FER: variants seen among roughly 807,000 people sequenced by gnomAD.
FER encodes the protein FER tyrosine kinase, also known as tyrosine-protein kinase Fer.
In FER, 63 loss-of-function variants were observed where a neutral mutation model predicts 111.0. That is an observed-to-expected ratio of 0.57 (90% confidence interval 0.46 to 0.70). The LOEUF is 0.70. FER is among the 30% of genes least tolerant of loss of function. FER has a pLI of 0.00. For synonymous variants in FER, 327 were observed against 313.9 expected (o/e 1.04, Z -0.44); for missense variants, 914 against 954.0 (o/e 0.96, Z 0.55).
chr5:109,110,501 T>G (rs1324039603), intron 17 of FER, among the ~76,000 whole-genome samples: 2 of 151,900 alleles, frequency 1.3e-5, no homozygotes, highest in Non-Finnish European at 2.9e-5. Flanking sequence ...GAAAATTAGG[T>G]GAGTTGTTAC....
At chr5:108,774,131 T>G (rs931031296) in intron 2 of FER, among the ~76,000 whole-genome samples, 4 of 151,916 alleles carry the variant, frequency 2.6e-5, no homozygotes, top group Admixed American at 1.3e-4. Context: ...CACCTCCCAC[T>G]TATGAGTGAG....
chr5:108,936,069 A>G (rs1755428317), intron 10 of FER, among the ~76,000 whole-genome samples: 1 of 152,048 alleles, frequency 6.6e-6, no homozygotes, highest in Non-Finnish European at 1.5e-5. Context: ...TTAAAGCTGA[A>G]TTTAAATTTC....
intron 17 of FER, among the ~76,000 whole-genome samples, chr5:109,136,427 TTA>T (rs1582197518): frequency 1.3e-5 from 2 of 152,218 alleles, no homozygotes; most frequent in East Asian, 3.8e-4. Flanking sequence ...CTTTCTGGTT[TTA>T]TGTTTTAGAA....
intron 8 of FER, among the ~76,000 whole-genome samples, chr5:108,873,661 G>C (rs1225878743): frequency 6.6e-6 from 1 of 152,082 alleles, no homozygotes; most frequent in Non-Finnish European, 1.5e-5. Context: ...GCCCTATACA[G>C]GGGTCTCACT....
At chr5:108,904,385 A>C (rs1750454940) in intron 10 of FER, among the ~76,000 whole-genome samples, 2 of 152,204 alleles carry the variant, frequency 1.3e-5, no homozygotes, top group South Asian at 4.1e-4. Context: ...ATCTGGAAGA[A>C]CTGAGAGAGC....
chr5:108,774,821 AT>A (rs1205519425), intron 2 of FER, among the ~76,000 whole-genome samples: 1 of 151,584 alleles, frequency 6.6e-6, no homozygotes, highest in Non-Finnish European at 1.5e-5. Context: ...GATTGCAAAA[AT>A]TTTCTCCCAT....
At position 108,844,552 on chromosome 5, in the gene FER, A is replaced by G. The variant is rs183227258; in HGVS notation, c.481+8745A>G. 3.4e-3 allele frequency among the ~76,000 whole-genome samples: 522 copies of G among 152,274 alleles called. 3 individuals are homozygous for G. The highest frequency in any genetic ancestry group is 0.012 in the African/African-American group (500 of 41,558). Reference sequence around the variant, plus strand: ...TATTTATTTTGATAAATTTTGACATATGTACACACCTGTGAAATTATTACT... The same window carrying G: ...TATTTATTTTGATAAATTTTGACATGTGTACACACCTGTGAAATTATTACT... On this transcript the variant is annotated intron_variant, in intron 5 of 19. Coordinates refer to ENST00000281092, the MANE Select transcript of FER (RefSeq NM_005246.4).
At chr5:109,054,680 TA>T (rs1250759158) in intron 16 of FER, among the ~76,000 whole-genome samples, 16 of 149,020 alleles carry the variant, frequency 1.1e-4, no homozygotes, top group African/African-American at 3.7e-4. Flanking sequence ...CCCAAGGTCC[TA>T]AAAGTTGTTT....
intron 13 of FER, among the ~76,000 whole-genome samples, chr5:109,031,072 T>C (rs892585329): frequency 6.6e-6 from 1 of 152,210 alleles, no homozygotes; most frequent in East Asian, 1.9e-4. Context: ...TAGCTGCTTA[T>C]TGTTAGTTGG....
intron 3 of FER, among the ~76,000 whole-genome samples, chr5:108,801,178 G>A (rs1413724206): frequency 1.3e-5 from 2 of 152,218 alleles, no homozygotes; most frequent in East Asian, 1.9e-4. Context: ...CATGTGGCAA[G>A]CTATGGATTG....
intron 17 of FER, among the ~76,000 whole-genome samples, chr5:109,108,127 C>G (rs1391594708): frequency 3.3e-5 from 5 of 152,076 alleles, no homozygotes; most frequent in Admixed American, 6.6e-5. Flanking sequence ...TCATGGAGAG[C>G]TCACTGTTTG....
intron 15 of FER, 91 bp downstream of exon 15, chr5:109,044,886 T>G: frequency 5.7e-6 from 4 of 706,334 alleles, no homozygotes; most frequent in Non-Finnish European, 8.7e-6. Context: ...TGTGATTTAC[T>G]GAAATAGTAG....
At position 108,803,859 on chromosome 5, in the gene FER, C is replaced by G. The variant is rs114868976; in HGVS notation, c.207+5470C>G. On this transcript the variant is annotated intron_variant, in intron 3 of 19. Coordinates refer to ENST00000281092, the MANE Select transcript of FER (RefSeq NM_005246.4). ...TATGAATTTTATTATAGTTTTTTCC[C>G]AGTTCTGTGAGAAATGACAGTAGTT... 6.2e-3 allele frequency among the ~76,000 whole-genome samples: 942 copies of G among 152,068 alleles called. 15 individuals carry two copies. Among genetic ancestry groups the G allele is most frequent in the African/African-American group, 0.022 (908 of 41,510 alleles).
intron 10 of FER, among the ~76,000 whole-genome samples, chr5:108,913,042 T>A (rs1382112910): frequency 6.6e-6 from 1 of 152,170 alleles, no homozygotes; most frequent in Admixed American, 6.5e-5. Flanking sequence ...GAAAATAATC[T>A]TAAGCTACTT....
intron 16 of FER, 93 bp from the exon 17 acceptor site, chr5:109,100,303 T>C: frequency 2.0e-6 from 3 of 1,478,538 alleles, no homozygotes; most frequent in Non-Finnish European, 2.8e-6. Context: ...TAATGCATTT[T>C]GCTCTGTCAA....
chr5:109,056,284 G>A (rs1468203991), intron 16 of FER, among the ~76,000 whole-genome samples: 2 of 152,176 alleles, frequency 1.3e-5, no homozygotes, highest in Admixed American at 1.3e-4. Flanking sequence ...ATGTATTGCA[G>A]TGTTACTCAC....
At chr5:109,179,485 G>A (rs1319782894) in intron 17 of FER, among the ~76,000 whole-genome samples, 3 of 152,164 alleles carry the variant, frequency 2.0e-5, no homozygotes, top group East Asian at 3.8e-4. Flanking sequence ...TTACTCTAGT[G>A]AATAACATCG....
Position 108,959,354 on chromosome 5 carries a change from G to T in FER, c.1656+7G>T. 6.3e-7 allele frequency: 1 copy of T among 1,592,972 alleles called. No homozygotes were observed. The highest frequency in any genetic ancestry group is 8.5e-7 in the Non-Finnish European group (1 of 1,172,498). On this transcript the variant is annotated splice_region_variant and intron_variant, in intron 13 of 19. Transcript: ENST00000281092. Reference sequence around the variant, plus strand: ...GCTGAATCCTATTCCTAAGGTAGGTGCTTATATACTTTTTTGTCTGTTTGT... The same window carrying T: ...GCTGAATCCTATTCCTAAGGTAGGTTCTTATATACTTTTTTGTCTGTTTGT...
intron 16 of FER, among the ~76,000 whole-genome samples, chr5:109,062,732 G>GA (rs1035191460): frequency 2.6e-5 from 4 of 151,624 alleles, no homozygotes; most frequent in African/African-American, 4.8e-5. Flanking sequence ...TAGAAAGCCT[G>GA]AAAAAAAATG....
Sources: allele counts gnomAD v4.1 joint callset (sites outside exome capture counted in the v4.1 genomes callset), GRCh38; gene constraint gnomAD v4.1.1; transcripts MANE v1.5; gene names NCBI Gene and HGNC (gene_info 2026-07-23, HGNC 2026-07-21).